Variants in WDR72 observed in about 807,000 individuals in gnomAD.
The protein encoded by WDR72 is WD repeat domain 72, also known as WD repeat-containing protein 72.
Under a neutral mutation model 124.2 loss-of-function variants are expected in WDR72, and 120 were observed. The observed-to-expected ratio is 0.97, with a 90% CI of 0.83 to 1.12. The LOEUF is 1.12. WDR72 is among the 50% of genes most tolerant of loss of function. WDR72 has a pLI of 0.00. For synonymous variants in WDR72, 452 were observed against 441.7 expected (o/e 1.02, Z -0.29); for missense variants, 1,387 against 1,278.8 (o/e 1.08, Z -1.29).
intron 13 of WDR72, among the ~76,000 whole-genome samples, chr15:53,672,403 AGAAG>A (rs542602463): frequency 2.6e-5 from 4 of 152,282 alleles, no homozygotes; most frequent in East Asian, 1.9e-4. Context: ...TGCACAAGAA[AGAAG>A]GAAGATTCTG....
chr15:53,654,703 G>A (rs2015356488), intron 14 of WDR72, among the ~76,000 whole-genome samples: 1 of 152,092 alleles, frequency 6.6e-6, no homozygotes. Flanking sequence ...AAGATAGAAG[G>A]TAGACCATTT....
intron 14 of WDR72, among the ~76,000 whole-genome samples, chr15:53,639,922 T>G (rs945439888): frequency 2.0e-5 from 3 of 152,296 alleles, no homozygotes; most frequent in Admixed American, 1.3e-4. Context: ...GAAGACTTCA[T>G]TGAGCCTAAA....
chr15:53,698,464 C>A (rs1595858476), intron 13 of WDR72, among the ~76,000 whole-genome samples: 1 of 152,152 alleles, frequency 6.6e-6, no homozygotes, highest in Non-Finnish European at 1.5e-5. Flanking sequence ...TAAGGGCTAA[C>A]CACCTGCAGG....
chr15:53,665,875 G>A (rs2015762076), intron 13 of WDR72, 107 bp from the exon 14 acceptor site: 11 of 1,126,692 alleles, frequency 9.8e-6, no homozygotes, highest in South Asian at 1.3e-5. Flanking sequence ...TTAAGTTATC[G>A]TGCCTTAGTA....
intron 9 of WDR72, among the ~76,000 whole-genome samples, chr15:53,707,552 T>C (rs1169065122): frequency 6.6e-6 from 1 of 151,982 alleles, no homozygotes; most frequent in Non-Finnish European, 1.5e-5. Context: ...GTTCACACCA[T>C]TCTCCTGCCT....
At chr15:53,526,437 T>A (rs1892122185) in intron 18 of WDR72, among the ~76,000 whole-genome samples, 1 of 152,064 alleles carries the variant, frequency 6.6e-6, no homozygotes, top group South Asian at 2.1e-4. Flanking sequence ...ACAGATATAG[T>A]TGTTAAAGCT....
chr15:53,657,240 G>T (rs1333935161), intron 14 of WDR72, among the ~76,000 whole-genome samples: 2 of 134,130 alleles, frequency 1.5e-5, no homozygotes, highest in South Asian at 4.8e-4. Flanking sequence ...CTCCAGCCTG[G>T]GCAAAAGAGC....
intron 16 of WDR72, among the ~76,000 whole-genome samples, chr15:53,611,166 T>A (rs1364841026): frequency 6.6e-6 from 1 of 152,136 alleles, no homozygotes; most frequent in Non-Finnish European, 1.5e-5. Context: ...CCTCGGAGTA[T>A]TATTTTTATT....
At chr15:53,625,360 G>A (rs1358158109) in intron 14 of WDR72, among the ~76,000 whole-genome samples, 1 of 152,126 alleles carries the variant, frequency 6.6e-6, no homozygotes, top group Non-Finnish European at 1.5e-5. Context: ...CAAGGTCCTG[G>A]TATTTTCCTC....
chr15:53,755,990 G>A (rs2018893151), intron 1 of WDR72, among the ~76,000 whole-genome samples: 1 of 152,178 alleles, frequency 6.6e-6, no homozygotes, highest in Admixed American at 6.5e-5. Flanking sequence ...AAGAAAGTAG[G>A]AGTACTGATA....
intron 14 of WDR72, among the ~76,000 whole-genome samples, chr15:53,632,272 G>A (rs971962951): frequency 2.6e-5 from 4 of 151,996 alleles, no homozygotes; most frequent in Admixed American, 2.0e-4. Context: ...ATATAGCTTG[G>A]GCCACTGCTT....
intron 18 of WDR72, among the ~76,000 whole-genome samples, chr15:53,557,514 T>A (rs1228047222): frequency 1.3e-5 from 2 of 152,102 alleles, no homozygotes; most frequent in Non-Finnish European, 2.9e-5. Context: ...AGATTTCTAA[T>A]GTTGTATCTG....
chr15:53,637,394 T>G (rs1302254038), intron 14 of WDR72, among the ~76,000 whole-genome samples: 1 of 152,172 alleles, frequency 6.6e-6, no homozygotes, highest in Non-Finnish European at 1.5e-5. Context: ...ACATTTTTAC[T>G]TGTTGTCTGC....
At chr15:53,716,730 A>C in intron 3 of WDR72, 45 bp from the exon 4 acceptor site, 1 of 1,415,762 alleles carries the variant, frequency 7.1e-7, no homozygotes, top group Non-Finnish European at 1.0e-6. Context: ...TTTCCACTCA[A>C]TTGGCTGGAA....
At chr15:53,729,486 G>A (rs550668849) in intron 2 of WDR72, among the ~76,000 whole-genome samples, 2,732 of 148,844 alleles carry the variant, frequency 0.018, 55 homozygotes, top group Middle Eastern at 0.066. Flanking sequence ...TCTATCTAGT[G>A]AAAAAAAAAC....
intron 18 of WDR72, among the ~76,000 whole-genome samples, chr15:53,526,623 A>G (rs888507602): frequency 1.3e-5 from 2 of 152,070 alleles, no homozygotes; most frequent in Non-Finnish European, 2.9e-5. Context: ...CCCATTTATC[A>G]CAGTAAGTTG....
intron 13 of WDR72, among the ~76,000 whole-genome samples, chr15:53,688,793 C>G (rs1348530376): frequency 6.6e-6 from 1 of 152,002 alleles, no homozygotes; most frequent in East Asian, 1.9e-4. Context: ...CTGGAGGCAT[C>G]ACACTACCTG....
intron 1 of WDR72, among the ~76,000 whole-genome samples, chr15:53,754,315 G>C (rs1295777015): frequency 6.6e-6 from 1 of 152,154 alleles, no homozygotes; most frequent in Non-Finnish European, 1.5e-5. Flanking sequence ...CACAATGTGA[G>C]ATTTCCACAT....
chr15:53,601,703 A>C (rs544972706), intron 17 of WDR72, among the ~76,000 whole-genome samples: 1 of 152,206 alleles, frequency 6.6e-6, no homozygotes, highest in Non-Finnish European at 1.5e-5. Flanking sequence ...AGTTTCTGAC[A>C]AAACAGACTT....
Sources: gnomAD v4.1 joint callset for allele counts (sites outside exome capture counted in the v4.1 genomes callset) on GRCh38, gnomAD v4.1.1 for gene constraint, MANE v1.5 for transcripts, NCBI Gene and HGNC (gene_info 2026-07-23, HGNC 2026-07-21) for gene names.